The following PRAG1 variants were observed in gnomAD, a reference collection of about 807,000 sequenced individuals.
PRAG1 encodes inactive tyrosine-protein kinase PRAG1.
Under a neutral mutation model 95.6 loss-of-function variants are expected in PRAG1, and 110 were observed. That is an observed-to-expected ratio of 1.15 (90% CI 0.99 to 1.35). The LOEUF is 1.35. Ranked by LOEUF, PRAG1 falls within the 40% of genes most tolerant of loss-of-function variation. The pLI is 0.00. For synonymous variants in PRAG1, 1,052 were observed against 819.4 expected (o/e 1.28, Z -4.85); for missense variants, 2,554 against 1,864.7 (o/e 1.37, Z -6.81).
In PRAG1 at chr8:8,318,128, A is replaced by C; in HGVS notation, c.*26T>G. The C allele has an allele frequency of 1.9e-6, 3 of 1,587,460 alleles. No homozygotes were observed. Among genetic ancestry groups the C allele is most frequent in the Non-Finnish European group, 2.6e-6 (3 of 1,166,428 alleles). On this transcript the variant is annotated 3_prime_UTR_variant, in exon 6 of 6. Transcript: ENST00000615670. This position sits in a 1 kb window ranked among gnomAD's most constrained non-coding sequence, Gnocchi z 4.2. ...GGAAAGGGTTAGGCAGGGAAGGGGC[A>C]GCGACGGTGCAGGCTGGGGCTTGGC... is the stretch of plus-strand genomic sequence containing the variant.
intron 4 of PRAG1, among the ~76,000 whole-genome samples, chr8:8,328,792 A>G (rs1477049907): frequency 6.6e-6 from 1 of 152,198 alleles, no homozygotes; most frequent in East Asian, 1.9e-4. Flanking sequence ...ACACACACAC[A>G]CACACACAAA....
At chr8:8,371,470 A>G (rs1200166936) in intron 3 of PRAG1, among the ~76,000 whole-genome samples, 1 of 151,936 alleles carries the variant, frequency 6.6e-6, no homozygotes, top group Non-Finnish European at 1.5e-5. Context: ...CGTGTTAGCC[A>G]GGATGGTCTC....
At chr8:8,324,826 A>G (rs747478248) in intron 5 of PRAG1, among the ~76,000 whole-genome samples, 9 of 152,204 alleles carry the variant, frequency 5.9e-5, no homozygotes, top group Non-Finnish European at 1.2e-4. Context: ...TAGATGGCTG[A>G]GAAATGAAAC....
chr8:8,362,501 C>G (rs1490610779), intron 3 of PRAG1, among the ~76,000 whole-genome samples: 1 of 152,120 alleles, frequency 6.6e-6, no homozygotes, highest in Non-Finnish European at 1.5e-5. Context: ...CAGGTGAGTT[C>G]TGATTCCCAA....
At chr8:8,331,543 G>C (rs1001456813) in intron 4 of PRAG1, among the ~76,000 whole-genome samples, 1 of 152,152 alleles carries the variant, frequency 6.6e-6, no homozygotes, top group Admixed American at 6.5e-5. Context: ...AATAGCTCTA[G>C]GCAGATTGTT....
In PRAG1 at chr8:8,381,561, T is replaced by C. The variant is rs762327089; in HGVS notation, c.187A>G (p.Arg63Gly). Residue 63 changes from arginine to glycine, a missense_variant, in exon 2 of 6, where the codon AGG becomes GGG. Physicochemically the swap from Arg to Gly is moderately radical, Grantham distance 125 (BLOSUM62 -2). Coordinates refer to ENST00000615670, the MANE Select transcript of PRAG1 (RefSeq NM_001080826.3). ...SLPPPPRLPP[R>G]PENCRLEDEG... ...TCTTCCAGGCGGCAGTTCTCAGGCC[T>C]GGGAGGCAGGCGCGGTGGAGGGGGC... 30 of 1,614,030 alleles carry C rather than the reference T, an allele frequency of 1.9e-5. No homozygotes were observed. The highest frequency in any genetic ancestry group is 2.3e-5 in the Non-Finnish European group (27 of 1,180,006).
intron 4 of PRAG1, among the ~76,000 whole-genome samples, chr8:8,337,203 G>A (rs545771794): frequency 2.0e-5 from 3 of 152,308 alleles, no homozygotes; most frequent in African/African-American, 4.8e-5. Context: ...GAACTTCAGC[G>A]TGAACTAGTT....
At position 8,375,207 on chromosome 8, in the gene PRAG1, T is replaced by TG. The variant is rs1563254510; in HGVS notation, c.2162+1039_2162+1040insC. Among the ~76,000 whole-genome samples, 12 of 110,128 alleles carry TG rather than the reference T, an allele frequency of 1.1e-4. No homozygotes were observed. The South Asian group carries it at 3.6e-3, about 33-fold the overall frequency. The allele number at this position is 110,128 out of a possible 152,430, so 72.2% of individuals were successfully genotyped here. A position where few individuals can be genotyped will look rare whatever the true frequency, so the allele number is the denominator to read the frequency against. On this transcript the variant is annotated intron_variant, in intron 3 of 5. Coordinates refer to ENST00000615670, the MANE Select transcript of PRAG1 (RefSeq NM_001080826.3). The stretch of plus-strand genomic sequence containing the variant: ...ACAAAACTACATTTTTTTCTTTGTT[T>TG]TTTTTTTTGTTTTTTTGAGACAGTC...
At chr8:8,365,692 G>A (rs1358702461) in intron 3 of PRAG1, among the ~76,000 whole-genome samples, 1 of 151,824 alleles carries the variant, frequency 6.6e-6, no homozygotes, top group Non-Finnish European at 1.5e-5. Context: ...GCTGAGTGCA[G>A]TGACTCACAC....
chr8:8,320,707 T>G (rs1548198), intron 5 of PRAG1, among the ~76,000 whole-genome samples: 1 of 152,162 alleles, frequency 6.6e-6, no homozygotes, highest in African/African-American at 2.4e-5. Flanking sequence ...CAAACACTCC[T>G]AAAATAACCC....
intron 1 of PRAG1, among the ~76,000 whole-genome samples, chr8:8,384,650 CTT>C (rs1800793366): frequency 6.8e-6 from 1 of 146,708 alleles, no homozygotes; most frequent in African/African-American, 2.5e-5. Flanking sequence ...TCCCGTTGCA[CTT>C]CTGTGCCTGG....
chr8:8,375,710 A>T (rs562946554), intron 3 of PRAG1, among the ~76,000 whole-genome samples: 29 of 152,212 alleles, frequency 1.9e-4, no homozygotes, highest in African/African-American at 6.7e-4. Flanking sequence ...AAGAAAATAG[A>T]GACAGGATCT....
intron 2 of PRAG1, among the ~76,000 whole-genome samples, chr8:8,379,712 T>C (rs1295786430): frequency 6.6e-6 from 1 of 152,228 alleles, no homozygotes; most frequent in African/African-American, 2.4e-5. Context: ...TCCTAGGATA[T>C]GTCTTAGCCA....
At chr8:8,372,042 G>A (rs1392478099) in intron 3 of PRAG1, among the ~76,000 whole-genome samples, 3 of 152,118 alleles carry the variant, frequency 2.0e-5, no homozygotes, top group Admixed American at 6.5e-5. Flanking sequence ...CCTAACTTGA[G>A]GTTTCTTGGT....
rs758234346 is a variant in PRAG1 at position 8,327,964 on chromosome 8, C to G, written c.2818G>C (p.Gly940Arg). The part of the protein sequence containing the change: ...STGSTQLQLH[G>R]LLSNISSKEG... Reference sequence around the variant, plus strand: ...TTGCTGCTGATGTTGCTCAGGAGACCGTGCAGCTGAAGCTGGGTGCTCCCG... The same window carrying G: ...TTGCTGCTGATGTTGCTCAGGAGACGGTGCAGCTGAAGCTGGGTGCTCCCG... Residue 940 changes from glycine to arginine, a missense_variant, in exon 5 of 6, where the codon GGT becomes CGT. Coordinates refer to ENST00000615670, the MANE Select transcript of PRAG1 (RefSeq NM_001080826.3). 1 of 1,606,488 alleles carries G rather than the reference C, an allele frequency of 6.2e-7. No homozygotes were observed. Among genetic ancestry groups the G allele is most frequent in the Non-Finnish European group, 8.5e-7 (1 of 1,175,284 alleles).
In PRAG1 at chr8:8,381,823, C is replaced by T; in HGVS notation, c.-76G>A. Reference sequence around the variant, plus strand: ...TTTTGTGGGATTCAGAGGTGGGTCACAGAGCGGCTTCCTAGAAAGGCAGGA... The same window carrying T: ...TTTTGTGGGATTCAGAGGTGGGTCATAGAGCGGCTTCCTAGAAAGGCAGGA... On this transcript the variant is annotated 5_prime_UTR_variant, in exon 2 of 6. It adds an upstream start codon to the 5' untranslated region. Coordinates refer to ENST00000615670, the MANE Select transcript of PRAG1 (RefSeq NM_001080826.3). The T allele has an allele frequency of 8.0e-7, 1 of 1,242,644 alleles. No individual in the cohort carries two copies. Among genetic ancestry groups the T allele is most frequent in the South Asian group, 1.6e-5 (1 of 63,268 alleles). The allele number at this position is 1,242,644 out of a possible 1,614,324, so 77.0% of individuals were successfully genotyped here.
intron 5 of PRAG1, 36 bp from the exon 6 acceptor site, chr8:8,319,338 G>A (rs367684481): frequency 2.0e-6 from 3 of 1,474,786 alleles, no homozygotes; most frequent in South Asian, 2.8e-5. Context: ...CAAGAGTGGG[G>A]CCCATGGTTC....
At chr8:8,365,955 G>C (rs922168489) in intron 3 of PRAG1, among the ~76,000 whole-genome samples, 14 of 152,022 alleles carry the variant, frequency 9.2e-5, no homozygotes, top group Non-Finnish European at 1.8e-4. Context: ...TACAGCCTGG[G>C]TGACAGAGTG....
intron 4 of PRAG1, among the ~76,000 whole-genome samples, chr8:8,331,114 T>C (rs1798805977): frequency 6.6e-6 from 1 of 152,192 alleles, no homozygotes; most frequent in Non-Finnish European, 1.5e-5. Flanking sequence ...CCCTGGTCAA[T>C]GCTTTCATCA....
Sources: gnomAD v4.1 joint callset for allele counts (sites outside exome capture counted in the v4.1 genomes callset) on GRCh38, gnomAD v4.1.1 for gene constraint, Gnocchi (gnomAD v3.1) non-coding constraint, MANE v1.5 for transcripts, NCBI Gene and HGNC (gene_info 2026-07-23, HGNC 2026-07-21) for gene names.